PDE4B: variants seen among roughly 807,000 people sequenced by gnomAD.
PDE4B encodes 3',5'-cyclic-AMP phosphodiesterase 4B.
PDE4B carries 20 observed loss-of-function variants against 82.2 expected under a neutral mutation model. The ratio of observed to expected loss-of-function variants is 0.24; its 90% CI spans 0.17 to 0.35. The LOEUF is 0.35. PDE4B is among the 10% of genes least tolerant of loss of function. PDE4B has a pLI of 1.00. For synonymous variants in PDE4B, 320 were observed against 318.9 expected, an observed-to-expected ratio of 1.00 and a Z score of -0.04; for missense variants, 655 against 907.2, an observed-to-expected ratio of 0.72 and a Z score of 3.57.
chr1:66,249,318 A>T (rs922034439), intron 4 of PDE4B, among the ~76,000 whole-genome samples: 2 of 152,242 alleles, frequency 1.3e-5, no homozygotes, highest in Non-Finnish European at 2.9e-5. Context: ...CTTAATTCAC[A>T]TAGTATTTTA....
chr1:66,141,327 AATATAT>A lies in PDE4B; in HGVS notation c.282-106098_282-106093del, dbSNP rs71058454. On this transcript the variant is annotated intron_variant, in intron 3 of 16. Coordinates refer to ENST00000341517, the MANE Select transcript of PDE4B (RefSeq NM_002600.4). ...AGCAGTGCAGATAGAAAGCTTTGAG[AATATAT>A]ATATATATATATATATATATATATA... is the stretch of plus-strand genomic sequence containing the variant. Among the ~76,000 whole-genome samples the A allele has an allele frequency of 2.1e-3, 192 of 91,452 alleles. 2 individuals are homozygous for A. The highest frequency in any genetic ancestry group is 4.6e-3 in the African/African-American group (84 of 18,448). The allele number at this position is 91,452 out of a possible 152,430, so 60.0% of individuals were successfully genotyped here.
At chr1:66,303,916 T>A (rs1658082817) in intron 7 of PDE4B, among the ~76,000 whole-genome samples, 1 of 152,152 alleles carries the variant, frequency 6.6e-6, no homozygotes, top group African/African-American at 2.4e-5. Flanking sequence ...CTTATGTGGT[T>A]ATTTATAACA....
chr1:66,263,673 AC>A (rs776840937), intron 6 of PDE4B, among the ~76,000 whole-genome samples: 4 of 152,166 alleles, frequency 2.6e-5, no homozygotes, highest in Non-Finnish European at 4.4e-5. Flanking sequence ...TGAAGAAATG[AC>A]CCTAAAGGTA....
chr1:65,905,358 G>A (rs767257542), intron 1 of PDE4B, among the ~76,000 whole-genome samples: 1 of 152,074 alleles, frequency 6.6e-6, no homozygotes, highest in Non-Finnish European at 1.5e-5. Context: ...AGACAAGAAG[G>A]GCATGCTGGA....
chr1:65,944,144 A>G (rs1648582792), intron 3 of PDE4B, among the ~76,000 whole-genome samples: 1 of 151,924 alleles, frequency 6.6e-6, no homozygotes, highest in Non-Finnish European at 1.5e-5. Flanking sequence ...TGGTCTTTAC[A>G]GTGTGGGGTA....
At chr1:66,236,725 G>A (rs1652489118) in intron 3 of PDE4B, among the ~76,000 whole-genome samples, 1 of 152,146 alleles carries the variant, frequency 6.6e-6, no homozygotes, top group Non-Finnish European at 1.5e-5. Flanking sequence ...AGGTGAGGGA[G>A]GACAGGGTTC....
chr1:66,049,155 T>C (rs999032986), intron 3 of PDE4B, among the ~76,000 whole-genome samples: 7 of 152,038 alleles, frequency 4.6e-5, no homozygotes, highest in African/African-American at 1.2e-4. Flanking sequence ...CTAAATTCTA[T>C]TGTGAACCTG....
chr1:66,037,643 C>T (rs1018648547), intron 3 of PDE4B, among the ~76,000 whole-genome samples: 1 of 151,912 alleles, frequency 6.6e-6, no homozygotes, highest in Non-Finnish European at 1.5e-5. Context: ...GCTAGTACTT[C>T]GAGTGCTATG....
At chr1:66,197,590 G>T (rs561882261) in intron 3 of PDE4B, among the ~76,000 whole-genome samples, 1 of 152,196 alleles carries the variant, frequency 6.6e-6, no homozygotes, top group African/African-American at 2.4e-5. Context: ...AACCATCTTT[G>T]CTGTTTTCCT....
intron 7 of PDE4B, among the ~76,000 whole-genome samples, chr1:66,285,107 T>C (rs749277815): frequency 2.0e-5 from 3 of 152,170 alleles, no homozygotes; most frequent in African/African-American, 7.2e-5. Context: ...ACAACAACAA[T>C]GTTTATTGAT....
intron 1 of PDE4B, among the ~76,000 whole-genome samples, chr1:65,904,260 C>A (rs190449128): frequency 6.6e-6 from 1 of 152,068 alleles, no homozygotes; most frequent in Non-Finnish European, 1.5e-5. Flanking sequence ...AGAGACATAG[C>A]ACTTGTGAAT....
intron 3 of PDE4B, among the ~76,000 whole-genome samples, chr1:65,969,142 A>G (rs1650000817): frequency 6.6e-6 from 1 of 152,202 alleles, no homozygotes; most frequent in African/African-American, 2.4e-5. Flanking sequence ...GGTTTAAAAC[A>G]CTATAGGTTT....
At chr1:66,006,028 A>G (rs1031535271) in intron 3 of PDE4B, among the ~76,000 whole-genome samples, 2 of 152,238 alleles carry the variant, frequency 1.3e-5, no homozygotes, top group African/African-American at 4.8e-5. Context: ...ACATGGCAGA[A>G]GCATTTAGAA....
chr1:66,014,988 T>C (rs1283331745), intron 3 of PDE4B, among the ~76,000 whole-genome samples: 1 of 152,152 alleles, frequency 6.6e-6, no homozygotes, highest in African/African-American at 2.4e-5. Context: ...TTGATGATCA[T>C]TGCACAGGTG....
intron 3 of PDE4B, among the ~76,000 whole-genome samples, chr1:66,190,195 G>A (rs1230620661): frequency 5.9e-5 from 9 of 152,184 alleles, no homozygotes; most frequent in Admixed American, 4.6e-4. Context: ...TCCTCTGGAA[G>A]TTTTGTCTCA....
intron 3 of PDE4B, among the ~76,000 whole-genome samples, chr1:66,088,299 G>A (rs140007553): frequency 6.6e-6 from 1 of 152,172 alleles, no homozygotes; most frequent in African/African-American, 2.4e-5. Context: ...AAGTTAGTAA[G>A]TCAGTTTTAG....
intron 3 of PDE4B, among the ~76,000 whole-genome samples, chr1:66,120,630 T>G (rs115945158): frequency 0.022 from 3,318 of 152,296 alleles, 38 homozygotes; most frequent in Middle Eastern, 0.044. Context: ...AATCTGAATT[T>G]CTGACATAGC....
intron 8 of PDE4B, among the ~76,000 whole-genome samples, chr1:66,346,263 T>C (rs2101972058): frequency 6.6e-6 from 1 of 152,364 alleles, no homozygotes; most frequent in East Asian, 1.9e-4. Flanking sequence ...TGATCTTAAC[T>C]GTGAAAATCT....
intron 2 of PDE4B, among the ~76,000 whole-genome samples, chr1:65,913,924 G>A (rs760445335): frequency 2.6e-5 from 4 of 152,130 alleles, no homozygotes; most frequent in African/African-American, 7.2e-5. Flanking sequence ...AGAGTAAATA[G>A]GTATGTACTT....
Sources: gnomAD v4.1 joint callset for allele counts (sites outside exome capture counted in the v4.1 genomes callset) on GRCh38, gnomAD v4.1.1 for gene constraint, MANE v1.5 for transcripts, NCBI Gene and HGNC (gene_info 2026-07-23, HGNC 2026-07-21) for gene names.